Variants in CACNA1E observed in about 807,000 individuals in gnomAD.
CACNA1E encodes the protein voltage-dependent R-type calcium channel subunit alpha-1E.
CACNA1E carries 40 observed loss-of-function variants against 259.2 expected under a neutral mutation model. The ratio of observed to expected loss-of-function variants is 0.15; its 90% CI spans 0.12 to 0.20. CACNA1E has a LOEUF of 0.20. Ranked by LOEUF, CACNA1E falls within the 10% of genes least tolerant of loss-of-function variation. The pLI, the probability that CACNA1E is intolerant of heterozygous loss-of-function variation, is 1.00. For missense variants in CACNA1E, 1,874 were observed against 3,040.1 expected, an observed-to-expected ratio of 0.62 and a Z score of 9.02; for synonymous variants, 1,104 against 1,138.5, an observed-to-expected ratio of 0.97 and a Z score of 0.61.
chr1:181,371,722 T>C (rs1423549083), intron 1 of CACNA1E, among the ~76,000 whole-genome samples: 7 of 152,384 alleles, frequency 4.6e-5, no homozygotes, highest in Middle Eastern at 3.4e-3. Flanking sequence ...GTTTTAGGTT[T>C]TACATTTAAG....
chr1:181,736,656 A>G (rs1348884245), intron 22 of CACNA1E, among the ~76,000 whole-genome samples: 1 of 152,198 alleles, frequency 6.6e-6, no homozygotes, highest in Non-Finnish European at 1.5e-5. Context: ...AAAGAGTAAC[A>G]TCGACAGGAG....
intron 25 of CACNA1E, among the ~76,000 whole-genome samples, chr1:181,749,341 A>G (rs1465528083): frequency 6.6e-6 from 1 of 152,200 alleles, no homozygotes; most frequent in African/African-American, 2.4e-5. Context: ...CACTCAGTGA[A>G]TGATCTTAGG....
intron 7 of CACNA1E, among the ~76,000 whole-genome samples, chr1:181,703,616 A>G (rs1250508423): frequency 4.6e-5 from 7 of 152,250 alleles, no homozygotes; most frequent in African/African-American, 1.7e-4. Context: ...AAGAGAAAGA[A>G]AAAAGACCAG....
chr1:181,771,517 G>A lies in CACNA1E; in HGVS notation c.4973+133G>A, dbSNP rs549057605. 4 of 634,930 alleles carry A rather than the reference G, an allele frequency of 6.3e-6. No homozygotes were observed. In the South Asian group the frequency reaches 7.7e-5, roughly 12 times the overall value. The allele number at this position is 634,930 out of a possible 1,614,324, so 39.3% of individuals were successfully genotyped here. A position where few individuals can be genotyped will look rare whatever the true frequency, so the allele number is the denominator to read the frequency against. ...GCTCCTGTCAGTAGAAAGGGGAACA[G>A]GCAATGTCTTTGCCAAACTGCCCCT... On this transcript the variant is annotated intron_variant, in intron 36 of 47. Transcript: ENST00000367573.
At chr1:181,615,198 T>C (rs1040681502) in intron 6 of CACNA1E, among the ~76,000 whole-genome samples, 3 of 152,172 alleles carry the variant, frequency 2.0e-5, no homozygotes, top group Non-Finnish European at 2.9e-5. Flanking sequence ...TTTTATTTTA[T>C]TCTATTTTTT....
intron 39 of CACNA1E, among the ~76,000 whole-genome samples, chr1:181,782,641 T>C (rs1352620531): frequency 6.6e-6 from 1 of 152,208 alleles, no homozygotes; most frequent in Non-Finnish European, 1.5e-5. Flanking sequence ...TCTGCCAGGC[T>C]GGTGGTTCTG....
At chr1:181,773,390 G>T (rs1659693684) in intron 37 of CACNA1E, among the ~76,000 whole-genome samples, 1 of 152,104 alleles carries the variant, frequency 6.6e-6, no homozygotes, top group Non-Finnish European at 1.5e-5. Flanking sequence ...AGAAAAAAAT[G>T]ACTTAATAAT....
chr1:181,707,224 C>G (rs143184431), intron 7 of CACNA1E, among the ~76,000 whole-genome samples: 83 of 152,316 alleles, frequency 5.4e-4, no homozygotes, highest in Admixed American at 4.6e-3. Context: ...AAGAAGGTCC[C>G]CCACATCCTC....
chr1:181,807,386 G>C lies in CACNA1E; in HGVS notation c.*8552G>C, dbSNP rs1480577726. ...TATAGGGCACCAGCTCAGCCGCCAA[G>C]TTCAGGAAGCAGCTGATTCCCAAGA... is the stretch of plus-strand genomic sequence containing the variant. On this transcript the variant is annotated 3_prime_UTR_variant, in exon 48 of 48. Coordinates refer to ENST00000367573, the MANE Select transcript of CACNA1E (RefSeq NM_001205293.3). 6.6e-6 allele frequency: 1 copy of C among 152,106 alleles called. No individual in the cohort carries two copies. The allele number at this position is 152,106 out of a possible 1,614,324, so 9.4% of individuals were successfully genotyped here. A position where few individuals can be genotyped will look rare whatever the true frequency, so the allele number is the denominator to read the frequency against.
chr1:181,682,810 A>G (rs889832094), intron 7 of CACNA1E, among the ~76,000 whole-genome samples: 1 of 152,198 alleles, frequency 6.6e-6, no homozygotes, highest in African/African-American at 2.4e-5. Context: ...ATGAGAACTT[A>G]CTATCACAAG....
At chr1:181,710,044 CTTCTCTTCTCT>C (rs1653186171) in intron 7 of CACNA1E, among the ~76,000 whole-genome samples, 2 of 152,140 alleles carry the variant, frequency 1.3e-5, no homozygotes, top group South Asian at 2.1e-4. Flanking sequence ...CCTTAGTCCT[CTTCTCTTCTCT>C]TTCTCCCATG....
chr1:181,346,901 G>C (rs571185429), intron 1 of CACNA1E, among the ~76,000 whole-genome samples: 1 of 152,122 alleles, frequency 6.6e-6, no homozygotes. Context: ...AGCAAACCCC[G>C]GGTGGTGTGT....
chr1:181,617,521 A>T (rs1337690570), intron 6 of CACNA1E, among the ~76,000 whole-genome samples: 1 of 152,198 alleles, frequency 6.6e-6, no homozygotes, highest in African/African-American at 2.4e-5. Context: ...TTCTCTGTGT[A>T]TTCCCTATCT....
chr1:181,392,114 G>T (rs1476119393), intron 1 of CACNA1E, among the ~76,000 whole-genome samples: 2 of 152,186 alleles, frequency 1.3e-5, no homozygotes, highest in East Asian at 1.9e-4. Flanking sequence ...AGCACAGAAA[G>T]GGTAAGGAAT....
chr1:181,753,906 G>A (rs1047307135), intron 27 of CACNA1E, among the ~76,000 whole-genome samples: 6 of 152,154 alleles, frequency 3.9e-5, no homozygotes, highest in East Asian at 1.9e-4. Context: ...CTGGCCCACC[G>A]CGTGGGTTCC....
intron 2 of CACNA1E, among the ~76,000 whole-genome samples, chr1:181,437,362 T>C (rs750440675): frequency 1.8e-4 from 27 of 152,132 alleles, no homozygotes; most frequent in Admixed American, 8.5e-4. Context: ...ATGTCACATA[T>C]AAGAACAAAA....
intron 6 of CACNA1E, among the ~76,000 whole-genome samples, chr1:181,616,090 A>G (rs747573493): frequency 1.3e-5 from 2 of 152,100 alleles, no homozygotes; most frequent in Non-Finnish European, 2.9e-5. Context: ...TGTTTTTTCT[A>G]TATCATTGGG....
intron 3 of CACNA1E, among the ~76,000 whole-genome samples, chr1:181,526,326 AG>A (rs1251967059): frequency 6.6e-6 from 1 of 151,540 alleles, no homozygotes; most frequent in Non-Finnish European, 1.5e-5. Flanking sequence ...GATTCCAATG[AG>A]GAAGCCTGAC....
chr1:181,712,818 G>A (rs1458435631), intron 8 of CACNA1E, among the ~76,000 whole-genome samples: 1 of 152,106 alleles, frequency 6.6e-6, no homozygotes, highest in East Asian at 1.9e-4. Context: ...AGACCACTAA[G>A]AGAGCTGGCA....
Sources: gnomAD v4.1 joint callset for allele counts (sites outside exome capture counted in the v4.1 genomes callset) on GRCh38, gnomAD v4.1.1 for gene constraint, MANE v1.5 for transcripts, NCBI Gene and HGNC (gene_info 2026-07-23, HGNC 2026-07-21) for gene names.